The following SFMBT2 variants were observed in gnomAD, a reference collection of about 807,000 sequenced individuals.
The protein encoded by SFMBT2 is scm-like with four MBT domains protein 2.
Under a neutral mutation model 110.1 loss-of-function variants are expected in SFMBT2, and 38 were observed. That is an observed-to-expected ratio of 0.35 (90% confidence interval 0.27 to 0.45). The LOEUF (loss-of-function observed/expected upper bound fraction) is 0.45, where lower values mean the gene tolerates loss of function less well. Ranked by LOEUF, SFMBT2 falls within the 20% of genes least tolerant of loss-of-function variation. The probability of loss-of-function intolerance (pLI) is 1.00; values close to 1 mark genes in which losing one functional copy is unlikely to be tolerated. For synonymous variants in SFMBT2, 425 were observed against 425.4 expected, an observed-to-expected ratio of 1.00 and a Z score of 0.01; for missense variants, 1,011 against 1,094.9, an observed-to-expected ratio of 0.92 and a Z score of 1.08.
chr10:7,256,716 A>G (rs1469977927), intron 7 of SFMBT2, among the ~76,000 whole-genome samples: 1 of 152,182 alleles, frequency 6.6e-6, no homozygotes, highest in East Asian at 1.9e-4. Flanking sequence ...AACGTGGTTA[A>G]TCTAGTACAC....
intron 20 of SFMBT2, among the ~76,000 whole-genome samples, chr10:7,168,068 C>A (rs1305379662): frequency 7.6e-5 from 11 of 145,320 alleles, no homozygotes; most frequent in South Asian, 2.2e-4. Flanking sequence ...AACTCCATCT[C>A]AAAAAAAAAA....
At chr10:7,188,540 T>C in intron 16 of SFMBT2, 84 bp downstream of exon 16, 6 of 1,020,588 alleles carry the variant, frequency 5.9e-6, no homozygotes, top group Non-Finnish European at 9.0e-6. Context: ...CTCAGGGCTG[T>C]GTCACAAAGA....
rs771791946 is a variant in SFMBT2, at chr10:7,314,960, A to AAG, written c.437-29008_437-29007dup. Among the ~76,000 whole-genome samples the AAG allele has an allele frequency of 8.9e-3, 1,320 of 148,468 alleles. 19 individuals carry two copies. The highest frequency in any genetic ancestry group is 0.028 in the African/African-American group (1,137 of 39,938). ...GAGAGAAAGAGAAAGAGAGAAAGAAAAGAGAGAGAGAGAGAGGGAGAAAGA... is the reference window on the plus strand; with the variant it reads ...GAGAGAAAGAGAAAGAGAGAAAGAAAAGAGAGAGAGAGAGAGAGGGAGAAAGA... On this transcript the variant is annotated intron_variant, in intron 4 of 20. Coordinates refer to ENST00000397167, the MANE Select transcript of SFMBT2 (RefSeq NM_001387889.1).
At chr10:7,392,485 A>C (rs1845795487) in intron 1 of SFMBT2, among the ~76,000 whole-genome samples, 2 of 152,206 alleles carry the variant, frequency 1.3e-5, no homozygotes, top group South Asian at 4.1e-4. Flanking sequence ...ACTGCACTCC[A>C]GCCTGGACAA....
intron 10 of SFMBT2, among the ~76,000 whole-genome samples, chr10:7,223,506 T>A (rs2692812): frequency 6.6e-6 from 1 of 151,960 alleles, no homozygotes; most frequent in African/African-American, 2.4e-5. Flanking sequence ...CCTCAGATCC[T>A]GAGATTCCAT....
chr10:7,181,113 C>T (rs1838233783), intron 16 of SFMBT2, among the ~76,000 whole-genome samples: 1 of 152,026 alleles, frequency 6.6e-6, no homozygotes. Flanking sequence ...GTGGTGCACG[C>T]CTGTAGTCTC....
At chr10:7,383,576 G>C (rs1845489365) in intron 1 of SFMBT2, among the ~76,000 whole-genome samples, 1 of 152,182 alleles carries the variant, frequency 6.6e-6, no homozygotes. Context: ...TACAAAGAAA[G>C]AAAATACCTG....
chr10:7,407,970 C>T lies in SFMBT2; in HGVS notation c.-52+2891G>A, dbSNP rs553870458. 2.4e-3 allele frequency among the ~76,000 whole-genome samples: 359 copies of T among 152,358 alleles called. 1 individual carries two copies. Among genetic ancestry groups the T allele is most frequent in the African/African-American group, 7.8e-3 (323 of 41,592 alleles). On this transcript the variant is annotated intron_variant, in intron 1 of 20. Coordinates refer to ENST00000397167, the MANE Select transcript of SFMBT2 (RefSeq NM_001387889.1). ...CCGGGCTCCTGCCCAGTCTCGGCTC[C>T]TCCCTCCTCCCCACCAGAAGGAAAA... is the stretch of plus-strand genomic sequence containing the variant.
At chr10:7,315,074 A>AAGAAAG (rs1842965282) in intron 4 of SFMBT2, among the ~76,000 whole-genome samples, 1 of 143,872 alleles carries the variant, frequency 7.0e-6, no homozygotes, top group Non-Finnish European at 1.5e-5. Flanking sequence ...GAAAGAAAGA[A>AAGAAAG]AGAAAGAAAG....
intron 4 of SFMBT2, among the ~76,000 whole-genome samples, chr10:7,321,538 C>T (rs74116916): frequency 0.013 from 1,912 of 152,284 alleles, 45 homozygotes; most frequent in African/African-American, 0.044. Context: ...GGTAAAATAA[C>T]GTCAGGGATA....
At chr10:7,371,415 CCATG>C (rs1845062766) in intron 2 of SFMBT2, among the ~76,000 whole-genome samples, 1 of 152,178 alleles carries the variant, frequency 6.6e-6, no homozygotes, top group Non-Finnish European at 1.5e-5. Flanking sequence ...ACATGAGCCA[CCATG>C]CCCGGCCAGA....
At chr10:7,187,429 T>C (rs1161845774) in intron 16 of SFMBT2, among the ~76,000 whole-genome samples, 2 of 152,254 alleles carry the variant, frequency 1.3e-5, no homozygotes, top group African/African-American at 4.8e-5. Flanking sequence ...CTCACTTAAA[T>C]ATTTCTTGAG....
intron 20 of SFMBT2, among the ~76,000 whole-genome samples, chr10:7,169,296 T>G (rs1837798603): frequency 6.6e-6 from 1 of 152,150 alleles, no homozygotes; most frequent in Non-Finnish European, 1.5e-5. Flanking sequence ...ACTTAGTGGG[T>G]GTCTGCAGAA....
chr10:7,275,745 CAG>C (rs1165306952), intron 7 of SFMBT2, among the ~76,000 whole-genome samples: 2 of 152,182 alleles, frequency 1.3e-5, no homozygotes, highest in Admixed American at 6.5e-5. Context: ...ATTTTACAAA[CAG>C]GGGAAGTACT....
chr10:7,366,323 C>A (rs1439650738), intron 4 of SFMBT2, among the ~76,000 whole-genome samples: 3 of 152,064 alleles, frequency 2.0e-5, no homozygotes, highest in East Asian at 3.9e-4. Flanking sequence ...ACTCTTAACT[C>A]CAGCCATTTT....
At chr10:7,234,046 T>C (rs1376175536) in intron 9 of SFMBT2, among the ~76,000 whole-genome samples, 1 of 152,248 alleles carries the variant, frequency 6.6e-6, no homozygotes, top group Admixed American at 6.5e-5. Flanking sequence ...TCGATGCTGT[T>C]TGCTAAAAAA....
At position 7,346,859 on chromosome 10, in the gene SFMBT2, G is replaced by A. The variant is rs192399357; in HGVS notation, c.436+20790C>T. Among the ~76,000 whole-genome samples, 190 of 151,272 alleles carry A rather than the reference G, an allele frequency of 1.3e-3. 1 individual carries two copies. The highest frequency in any genetic ancestry group is 4.4e-3 in the African/African-American group (181 of 41,208). ...AAATTGGCCGGGCATGGTGGCAGGC[G>A]CCTGTAATCCCAGCTACTCAGGAGG... On this transcript the variant is annotated intron_variant, in intron 4 of 20. Transcript: ENST00000397167.
chr10:7,283,131 T>TG (rs1445786906), intron 6 of SFMBT2, among the ~76,000 whole-genome samples: 1 of 152,212 alleles, frequency 6.6e-6, no homozygotes, highest in Non-Finnish European at 1.5e-5. Context: ...CATGCAGCAT[T>TG]TTTTTAGAAT....
intron 16 of SFMBT2, among the ~76,000 whole-genome samples, chr10:7,184,651 G>T (rs1016307556): frequency 1.4e-4 from 22 of 151,960 alleles, no homozygotes; most frequent in Non-Finnish European, 3.1e-4. Context: ...TATAACCACC[G>T]GCACGGCCCA....
Sources: allele counts gnomAD v4.1 joint callset (sites outside exome capture counted in the v4.1 genomes callset), GRCh38; gene constraint gnomAD v4.1.1; transcripts MANE v1.5; gene names NCBI Gene and HGNC (gene_info 2026-07-23, HGNC 2026-07-21).